Variants in CACNA1E observed in about 807,000 individuals in gnomAD.
The protein encoded by CACNA1E is calcium voltage-gated channel subunit alpha1 E.
Under a neutral mutation model 259.2 loss-of-function variants are expected in CACNA1E, and 40 were observed. The ratio of observed to expected loss-of-function variants is 0.15; its 90% confidence interval spans 0.12 to 0.20. CACNA1E has a LOEUF of 0.20. Ranked by LOEUF, CACNA1E falls within the 10% of genes least tolerant of loss-of-function variation. CACNA1E has a pLI of 1.00. For synonymous variants in CACNA1E, 1,104 were observed against 1,138.5 expected (o/e 0.97, Z 0.61); for missense variants, 1,874 against 3,040.1 (o/e 0.62, Z 9.02).
chr1:181,677,737 A>G (rs1649523878), intron 7 of CACNA1E, among the ~76,000 whole-genome samples: 1 of 152,184 alleles, frequency 6.6e-6, no homozygotes, highest in African/African-American at 2.4e-5. Context: ...ATGTAAGAGC[A>G]GTTTTGTAGA....
At position 181,758,223 on chromosome 1, in the gene CACNA1E, A is replaced by G; in HGVS notation, c.4494+112A>G. 2 of 956,268 alleles carry G rather than the reference A, an allele frequency of 2.1e-6. No individual in the cohort carries two copies. The highest frequency in any genetic ancestry group is 3.1e-6 in the Non-Finnish European group (2 of 635,028). The allele number at this position is 956,268 out of a possible 1,614,324, so 59.2% of individuals were successfully genotyped here. A position where few individuals can be genotyped will look rare whatever the true frequency, so the allele number is the denominator to read the frequency against. The stretch of plus-strand genomic sequence containing the variant: ...CCATCACTGCTTTACCTACTTTTCC[A>G]TCATTGAATCCTTTTGTGATCTTAT... On this transcript the variant is annotated intron_variant, in intron 31 of 47. Transcript: ENST00000367573. This position sits in a 1 kb window ranked among gnomAD's most constrained non-coding sequence, Gnocchi z 4.2.
At chr1:181,482,127 A>C (rs1294878558), upstream of CACNA1E, among the ~76,000 whole-genome samples, 1 of 152,178 alleles carries the variant, frequency 6.6e-6, no homozygotes, top group Non-Finnish European at 1.5e-5. Flanking sequence ...CCAGGTGCTA[A>C]GTGGGGAGAT....
chr1:181,423,859 G>A (rs1658954244), intron 2 of CACNA1E, among the ~76,000 whole-genome samples: 1 of 152,098 alleles, frequency 6.6e-6, no homozygotes, highest in African/African-American at 2.4e-5. Flanking sequence ...ATATATGAGT[G>A]CTTTGTTGAA....
At chr1:181,680,398 T>C (rs1649830899) in intron 7 of CACNA1E, among the ~76,000 whole-genome samples, 1 of 151,920 alleles carries the variant, frequency 6.6e-6, no homozygotes. Context: ...TGATCTGGGG[T>C]GAGAGCACAA....
At chr1:181,652,921 G>A (rs149978504) in intron 7 of CACNA1E, among the ~76,000 whole-genome samples, 23 of 152,078 alleles carry the variant, frequency 1.5e-4, no homozygotes, top group Non-Finnish European at 2.2e-4. Flanking sequence ...CTGAATGTGC[G>A]TAGTCCAGCC....
rs1469173926 is a variant in CACNA1E at position 181,798,522 on chromosome 1, T to G, written c.6630T>G (p.Ser2210=). The G allele has an allele frequency of 1.9e-6, 3 of 1,613,920 alleles. No individual in the cohort carries two copies. The highest frequency in any genetic ancestry group is 2.5e-6 in the Non-Finnish European group (3 of 1,179,902). ...LESNNACLTE[S]SNSPHPQQSQ... ...GCAACAATGCTTGCCTGACCGAGTC[T>G]TCCAACTCTCCGCACCCCCAGCAGA... The change falls in exon 48 of 48, where the codon TCT becomes TCG. Residue 2210 remains serine (S), a synonymous_variant. Transcript: ENST00000367573. The surrounding 1 kb of genome is among the most constrained non-coding windows in gnomAD (Gnocchi z 4.2).
rs1662300825 is a variant in CACNA1E, at chr1:181,801,894, A to AAGAT, written c.*3064_*3067dup. 1 of 152,246 alleles carries AAGAT rather than the reference A, an allele frequency of 6.6e-6. No individual in the cohort carries two copies. The highest frequency in any genetic ancestry group is 2.4e-5 in the African/African-American group (1 of 41,448). 9.4% of individuals were successfully genotyped at this position (152,246 alleles called of 1,614,324 possible). On this transcript the variant is annotated 3_prime_UTR_variant, in exon 48 of 48. Coordinates refer to ENST00000367573, the MANE Select transcript of CACNA1E (RefSeq NM_001205293.3). ...ATCTCCTCAAAACAAGAGCAAAGCC[A>AAGAT]AGATAGAGGAAGGTAAAAGGAGGAG... is the stretch of plus-strand genomic sequence containing the variant.
rs77806566 is a variant in CACNA1E, at chr1:181,647,088, G to A, written c.952-4250G>A. The stretch of plus-strand genomic sequence containing the variant: ...GTGGGGAGGGTGTTGGGAGATGGGA[G>A]GAGCATCAGTGCTCCATGTAAGAGG... On this transcript the variant is annotated intron_variant, in intron 6 of 47. Coordinates refer to ENST00000367573, the MANE Select transcript of CACNA1E (RefSeq NM_001205293.3). Among the ~76,000 whole-genome samples, 192 of 152,342 alleles carry A rather than the reference G, an allele frequency of 1.3e-3. 1 individual carries two copies. The East Asian group carries it at 0.026, about 21-fold the overall frequency.
intron 7 of CACNA1E, chr1:181,651,864 G>C (rs1658788649): frequency 6.4e-6 from 1 of 155,410 alleles, no homozygotes. Context: ...GCTTGAATTA[G>C]TTTATACAAA....
chr1:181,397,052 T>C (rs867862478), intron 1 of CACNA1E, among the ~76,000 whole-genome samples: 3 of 152,098 alleles, frequency 2.0e-5, no homozygotes, highest in African/African-American at 4.8e-5. Flanking sequence ...TGTAGGGTAG[T>C]TCCAAGCCCT....
At position 181,380,017 on chromosome 1, in the gene CACNA1E, A is replaced by G. The variant is rs184394931; in HGVS notation, c.-14-33116A>G. Among the ~76,000 whole-genome samples, 12 of 147,918 alleles carry G rather than the reference A, an allele frequency of 8.1e-5. No homozygotes were observed. The East Asian group carries it at 2.1e-3, about 26-fold the overall frequency. On this transcript the variant is annotated intron_variant, in intron 1 of 11. Coordinates refer to the CACNA1E transcript ENST00000524607. ...ATCATAAGGTAAATATATTTAATAT[A>G]TATTTAAATATAATATGTATTTGAT...
At chr1:181,338,161 C>T (rs2102622418) in intron 1 of CACNA1E, among the ~76,000 whole-genome samples, 1 of 152,300 alleles carries the variant, frequency 6.6e-6, no homozygotes, top group South Asian at 2.1e-4. Flanking sequence ...TCTTGGCTCA[C>T]TGCAACCTCT....
chr1:181,408,787 C>T (rs905094775), intron 1 of CACNA1E, among the ~76,000 whole-genome samples: 1 of 152,216 alleles, frequency 6.6e-6, no homozygotes, highest in Non-Finnish European at 1.5e-5. Context: ...CAGACTGGTG[C>T]TCTCAAAGCT....
chr1:181,501,573 C>T (rs1665250844), intron 1 of CACNA1E, among the ~76,000 whole-genome samples: 2 of 152,210 alleles, frequency 1.3e-5, no homozygotes, highest in Non-Finnish European at 2.9e-5. Context: ...GAGAGAGCAG[C>T]AGGATTGTAT....
intron 18 of CACNA1E, among the ~76,000 whole-genome samples, chr1:181,730,764 T>C (rs187652533): frequency 4.2e-4 from 64 of 152,288 alleles, no homozygotes; most frequent in African/African-American, 1.4e-3. Context: ...ACCCAATGAA[T>C]GTGCTATGCT....
intron 6 of CACNA1E, among the ~76,000 whole-genome samples, chr1:181,603,232 C>T (rs975754107): frequency 7.2e-5 from 11 of 152,146 alleles, no homozygotes; most frequent in African/African-American, 1.7e-4. Flanking sequence ...GTTCTAAGAG[C>T]GCTCTGTGGA....
intron 1 of CACNA1E, among the ~76,000 whole-genome samples, chr1:181,496,270 AT>A (rs1232474504): frequency 6.6e-6 from 1 of 152,210 alleles, no homozygotes; most frequent in Non-Finnish European, 1.5e-5. Flanking sequence ...ATGATGCAGA[AT>A]TTTCCCAGAA....
At chr1:181,502,100 GGAGGGGTATGCAGGGT>G (rs1171433321) in intron 1 of CACNA1E, among the ~76,000 whole-genome samples, 1 of 152,048 alleles carries the variant, frequency 6.6e-6, no homozygotes, top group African/African-American at 2.4e-5. Context: ...AGAGGGGATG[GGAGGGGTATGCAGGGT>G]GGACTTCCAG....
chr1:181,718,781 CTT>C (rs1343684058), intron 12 of CACNA1E, among the ~76,000 whole-genome samples: 1 of 152,124 alleles, frequency 6.6e-6, no homozygotes, highest in African/African-American at 2.4e-5. Flanking sequence ...TTTCACGTAT[CTT>C]TTATTTTTGT....
Sources: allele counts gnomAD v4.1 joint callset (sites outside exome capture counted in the v4.1 genomes callset), GRCh38; gene constraint gnomAD v4.1.1; non-coding constraint Gnocchi (gnomAD v3.1); transcripts MANE v1.5; gene names NCBI Gene and HGNC (gene_info 2026-07-23, HGNC 2026-07-21).